DSG3: variants seen among roughly 807,000 people sequenced by gnomAD.
The protein encoded by DSG3 is desmoglein-3.
In DSG3, 63 loss-of-function variants were observed where a neutral mutation model predicts 85.9. That is an observed-to-expected ratio of 0.73 (90% CI 0.60 to 0.90). DSG3 has a LOEUF of 0.90. Among genes scored for constraint, DSG3 ranks in the 40% least tolerant of loss-of-function variants. The pLI is 0.00. For synonymous variants in DSG3, 447 were observed against 441.9 expected, an observed-to-expected ratio of 1.01 and a Z score of -0.14; for missense variants, 1,220 against 1,219.9, an observed-to-expected ratio of 1.00 and a Z score of 0.00.
Position 31,461,091 on chromosome 18 carries a change from T to C in DSG3, c.813+130T>C, listed in dbSNP as rs943768743. 1.8e-5 allele frequency: 23 copies of C among 1,255,542 alleles called. No individual in the cohort carries two copies. The African/African-American group carries it at 3.4e-4, about 18-fold the overall frequency. The allele number at this position is 1,255,542 out of a possible 1,614,324, so 77.8% of individuals were successfully genotyped here. Reference sequence around the variant, plus strand: ...CTTATCTTTAAAGAAATATGCTTTTTAAAAAATATAAGAATTCAGTAATAA... The same window carrying C: ...CTTATCTTTAAAGAAATATGCTTTTCAAAAAATATAAGAATTCAGTAATAA... On this transcript the variant is annotated intron_variant, in intron 7 of 15. Transcript: ENST00000257189.
chr18:31,466,940 A>T (rs527571325), intron 11 of DSG3, among the ~76,000 whole-genome samples, 186 bp downstream of exon 11: 82 of 152,350 alleles, frequency 5.4e-4, no homozygotes, highest in African/African-American at 1.8e-3. Context: ...ATATACTGTT[A>T]GCACCATTTC....
At chr18:31,471,950 A>G (rs2072858083) in intron 12 of DSG3, among the ~76,000 whole-genome samples, 1 of 152,212 alleles carries the variant, frequency 6.6e-6, no homozygotes, top group African/African-American at 2.4e-5. Flanking sequence ...TGTGCAAATA[A>G]ATGCAATAAT....
rs1396843053 is a variant in DSG3, at chr18:31,464,712, T to A, written c.1271+330T>A. 4.6e-5 allele frequency among the ~76,000 whole-genome samples: 7 copies of A among 152,268 alleles called. No homozygotes were observed. The South Asian group carries it at 1.0e-3, about 22-fold the overall frequency. Reference sequence around the variant, plus strand: ...AGTGCACCATGAGAACATGTTTTTATCATATAAAACAGCACTTACAAAGAC... The same window carrying A: ...AGTGCACCATGAGAACATGTTTTTAACATATAAAACAGCACTTACAAAGAC... On this transcript the variant is annotated intron_variant, in intron 9 of 15. Transcript: ENST00000257189.
In DSG3 at chr18:31,454,953, G is replaced by A. The variant is rs1323001337; in HGVS notation, c.49-1487G>A. Among the ~76,000 whole-genome samples the A allele has an allele frequency of 4.7e-5, 7 of 148,560 alleles. No individual in the cohort carries two copies. The East Asian group carries it at 1.2e-3, about 25-fold the overall frequency. ...ACGAAGCTTACATTGAGTCAAGATC[G>A]CACCATTGCACTCCAGCCAGGGCAA... On this transcript the variant is annotated intron_variant, in intron 1 of 15. Coordinates refer to ENST00000257189, the MANE Select transcript of DSG3 (RefSeq NM_001944.3).
In DSG3 at chr18:31,457,573, CTTTCTTTCTTTCTTCTTTCT is replaced by C. The variant is rs1427807354; in HGVS notation, c.216+452_216+471del. Among the ~76,000 whole-genome samples the C allele has an allele frequency of 5.5e-3, 622 of 113,216 alleles. 1 individual carries two copies. Among genetic ancestry groups the C allele is most frequent in the African/African-American group, 0.017 (367 of 22,212 alleles). 74.3% of individuals were successfully genotyped at this position (113,216 alleles called of 152,430 possible). ...TCTTTCTTTCTTTCTTTCTTTCTTT[CTTTCTTTCTTTCTTCTTTCT>C]TTCTTTCTTTCTTTCTTTCTTTCTT... On this transcript the variant is annotated intron_variant, in intron 3 of 15. Transcript: ENST00000257189.
intron 7 of DSG3, 23 bp downstream of exon 7, chr18:31,460,984 A>T: frequency 6.4e-7 from 1 of 1,563,722 alleles, no homozygotes. Context: ...CTCCTTAAAG[A>T]ATCATTTAGA....
chr18:31,459,761 A>G (rs2072771898), intron 5 of DSG3, 84 bp from the exon 6 acceptor site: 2 of 1,314,512 alleles, frequency 1.5e-6, no homozygotes. Flanking sequence ...AATTAGCATC[A>G]ATGTGAACTT....
intron 11 of DSG3, among the ~76,000 whole-genome samples, chr18:31,467,943 G>T (rs533893729): frequency 6.6e-6 from 1 of 152,192 alleles, no homozygotes; most frequent in African/African-American, 2.4e-5. Flanking sequence ...TACTGGATAC[G>T]TGGCCAATGA....
chr18:31,467,176 A>G (rs919682515), intron 11 of DSG3, among the ~76,000 whole-genome samples: 2 of 152,158 alleles, frequency 1.3e-5, no homozygotes, highest in Non-Finnish European at 2.9e-5. Context: ...CCCCATTTCT[A>G]CTAAAAATAC....
At chr18:31,457,612 CT>C (rs747204771) in intron 3 of DSG3, among the ~76,000 whole-genome samples, 2 of 114,824 alleles carry the variant, frequency 1.7e-5, no homozygotes, top group African/African-American at 4.3e-5. Context: ...TTCTTTCTTT[CT>C]TTCTTTCTTT....
At chr18:31,470,704 G>A (rs577653887) in intron 12 of DSG3, among the ~76,000 whole-genome samples, 1 of 152,108 alleles carries the variant, frequency 6.6e-6, no homozygotes. Context: ...AACATTTCAC[G>A]GAATAGAGGA....
intron 8 of DSG3, among the ~76,000 whole-genome samples, chr18:31,463,846 C>T (rs1483542336): frequency 1.3e-5 from 2 of 152,100 alleles, no homozygotes; most frequent in Non-Finnish European, 2.9e-5. Flanking sequence ...GGGTTCTTTC[C>T]ACTGCACCTC....
chr18:31,469,294 G>A lies in DSG3; in HGVS notation c.1842G>A (p.Gly614=). 6.2e-7 allele frequency: 1 copy of A among 1,613,890 alleles called. No homozygotes were observed. The highest frequency in any genetic ancestry group is 8.5e-7 in the Non-Finnish European group (1 of 1,180,024). ...CCAGGTATGGCAGGCCGCACTCAGG[G>A]AGGCTGGGGCCTGCCGCCATCGGCC... ...PGTRYGRPHS[G]RLGPAAIGLL... Residue 614 remains glycine (G), a synonymous_variant, in exon 12 of 16, where the codon GGG becomes GGA. Transcript: ENST00000257189.
chr18:31,461,393 G>T lies in DSG3; in HGVS notation c.980G>T (p.Gly327Val). Residue 327 changes from glycine (G) to valine (V), a missense_variant, in exon 8 of 16, where the codon GGC (glycine) becomes GTC (valine). By Grantham distance (109) the Gly-to-Val change is moderately radical. Coordinates refer to ENST00000257189, the MANE Select transcript of DSG3 (RefSeq NM_001944.3). Reference protein sequence around the residue: ...EIQTDPRTNEGILKVVKALDY... With the variant: ...EIQTDPRTNEVILKVVKALDY... Reference sequence around the variant, plus strand: ...CAAACTGATCCTAGAACTAATGAAGGCATCCTGAAAGTGGTGAAGGTAAGG... The same window carrying T: ...CAAACTGATCCTAGAACTAATGAAGTCATCCTGAAAGTGGTGAAGGTAAGG... The T allele has an allele frequency of 6.2e-7, 1 of 1,612,668 alleles. No homozygotes were observed. The highest frequency in any genetic ancestry group is 2.2e-5 in the East Asian group (1 of 44,792).
In DSG3 at chr18:31,456,417, C is replaced by T. The variant is rs372840885; in HGVS notation, c.49-23C>T. ...TTATTTGAAGAATTCACATTTAATTCGACTTTATTTAAATGTCTGCAGGTG... is the reference window on the plus strand; with the variant it reads ...TTATTTGAAGAATTCACATTTAATTTGACTTTATTTAAATGTCTGCAGGTG... On this transcript the variant is annotated intron_variant, in intron 1 of 15. Transcript: ENST00000257189. The T allele has an allele frequency of 3.9e-5, 52 of 1,337,400 alleles. No individual in the cohort carries two copies. In the African/African-American group the frequency reaches 5.3e-4, roughly 14 times the overall value. The allele number at this position is 1,337,400 out of a possible 1,614,324, so 82.8% of individuals were successfully genotyped here. A position where few individuals can be genotyped will look rare whatever the true frequency, so the allele number is the denominator to read the frequency against.
At chr18:31,457,748 C>T (rs2144267507) in intron 3 of DSG3, among the ~76,000 whole-genome samples, 1 of 152,096 alleles carries the variant, frequency 6.6e-6, no homozygotes, top group South Asian at 2.1e-4. Flanking sequence ...CTGCCTCAGC[C>T]TCCTGAGTAG....
intron 1 of DSG3, among the ~76,000 whole-genome samples, chr18:31,452,694 A>G (rs11081698): frequency 0.27 from 41,112 of 152,016 alleles, 6,202 homozygotes; most frequent in African/African-American, 0.42. Flanking sequence ...CTATAAGGTA[A>G]GTAAAATTAA....
At chr18:31,469,904 G>A (rs991911991) in intron 12 of DSG3, among the ~76,000 whole-genome samples, 38 of 152,002 alleles carry the variant, frequency 2.5e-4, no homozygotes, top group African/African-American at 8.7e-4. Flanking sequence ...GCTAGGTTCT[G>A]AGAAGTTATT....
At chr18:31,460,129 A>C in intron 6 of DSG3, 118 bp downstream of exon 6, 1 of 1,116,806 alleles carries the variant, frequency 9.0e-7, no homozygotes, top group Non-Finnish European at 1.2e-6. Context: ...TCAGTACTTA[A>C]CTTGGCTAAT....
Sources: allele counts gnomAD v4.1 joint callset (sites outside exome capture counted in the v4.1 genomes callset), GRCh38; gene constraint gnomAD v4.1.1; transcripts MANE v1.5; gene names NCBI Gene and HGNC (gene_info 2026-07-23, HGNC 2026-07-21).